The following LZTS1 variants were observed in gnomAD, a reference collection of about 807,000 sequenced individuals.
LZTS1 encodes the protein leucine zipper tumor suppressor 1.
In LZTS1, 31 loss-of-function variants were observed where a neutral mutation model predicts 45.8. That is an observed-to-expected ratio of 0.68 (90% CI 0.51 to 0.91). LZTS1 has a LOEUF of 0.91. LZTS1 is among the 40% of genes least tolerant of loss of function. LZTS1 has a pLI of 0.00. For synonymous variants in LZTS1, 359 were observed against 357.3 expected (o/e 1.00, Z -0.05); for missense variants, 821 against 788.9 (o/e 1.04, Z -0.49).
chr8:20,275,602 G>A (rs919008899), intron 1 of LZTS1, among the ~76,000 whole-genome samples: 3 of 151,950 alleles, frequency 2.0e-5, no homozygotes, highest in African/African-American at 7.3e-5. Context: ...TAAGAGAGGA[G>A]AAAGAGAAGG....
chr8:20,282,444 C>A (rs2128897569), intron 1 of LZTS1, among the ~76,000 whole-genome samples: 2 of 152,332 alleles, frequency 1.3e-5, no homozygotes, highest in African/African-American at 4.8e-5. Flanking sequence ...TGCTACTGAG[C>A]ACCAGGAGCA....
chr8:20,250,471 C>G (rs746567612), intron 3 of LZTS1, 108 bp from the exon 4 acceptor site: 2 of 1,060,308 alleles, frequency 1.9e-6, no homozygotes, highest in African/African-American at 3.2e-5. Context: ...TGCGGTGGCC[C>G]GGTGTTAGGC....
chr8:20,248,972 G>A lies in LZTS1; in HGVS notation c.*750C>T, dbSNP rs546195407. On this transcript the variant is annotated 3_prime_UTR_variant, in exon 4 of 4. Coordinates refer to ENST00000381569, the MANE Select transcript of LZTS1 (RefSeq NM_021020.5). Reference sequence around the variant, plus strand: ...TGGCTTAAAGAAGAGTGGTCACCGAGGTCAAAGGTCACTGGCTGTCCAGAG... The same window carrying A: ...TGGCTTAAAGAAGAGTGGTCACCGAAGTCAAAGGTCACTGGCTGTCCAGAG... 355 of 153,022 alleles carry A rather than the reference G, an allele frequency of 2.3e-3. 2 individuals are homozygous for A. Among genetic ancestry groups the A allele is most frequent in the Middle Eastern group, 3.4e-3 (1 of 294 alleles). The allele number at this position is 153,022 out of a possible 1,614,324, so 9.5% of individuals were successfully genotyped here.
intron 1 of LZTS1, among the ~76,000 whole-genome samples, chr8:20,258,305 G>A (rs1800153022): frequency 1.3e-5 from 2 of 152,308 alleles, no homozygotes; most frequent in South Asian, 4.1e-4. Context: ...AGAAATCCCA[G>A]GTGGGACATG....
At chr8:20,257,644 A>C (rs1402640165) in intron 1 of LZTS1, among the ~76,000 whole-genome samples, 1 of 151,756 alleles carries the variant, frequency 6.6e-6, no homozygotes, top group Admixed American at 6.6e-5. Flanking sequence ...CAGTGTTACA[A>C]ACTAATTCTA....
At chr8:20,289,627 T>C (rs960650802) in intron 1 of LZTS1, among the ~76,000 whole-genome samples, 2 of 152,196 alleles carry the variant, frequency 1.3e-5, no homozygotes, top group African/African-American at 4.8e-5. Flanking sequence ...GGCCATTTCC[T>C]CTTGTCTCCT....
chr8:20,254,135 A>G (rs1171444018), intron 2 of LZTS1, among the ~76,000 whole-genome samples: 1 of 152,224 alleles, frequency 6.6e-6, no homozygotes, highest in African/African-American at 2.4e-5. Flanking sequence ...CTATGCAAAC[A>G]TAAGAGGCTC....
In LZTS1 at chr8:20,255,216, C is replaced by T. The variant is rs1180510798; in HGVS notation, c.-35G>A. Reference sequence around the variant, plus strand: ...GGGCTGAGGATGGGGCAGGGCCGGGCAGGGTCTTGGAAAGGCTGTGGCAGC... The same window carrying T: ...GGGCTGAGGATGGGGCAGGGCCGGGTAGGGTCTTGGAAAGGCTGTGGCAGC... On this transcript the variant is annotated 5_prime_UTR_variant, in exon 2 of 4. Transcript: ENST00000381569. 3 of 1,582,942 alleles carry T rather than the reference C, an allele frequency of 1.9e-6. No individual in the cohort carries two copies. Among genetic ancestry groups the T allele is most frequent in the Non-Finnish European group, 2.6e-6 (3 of 1,166,284 alleles).
At chr8:20,261,602 C>A (rs909095380) in intron 1 of LZTS1, among the ~76,000 whole-genome samples, 1 of 152,242 alleles carries the variant, frequency 6.6e-6, no homozygotes. Context: ...GGCAAAGTGA[C>A]ACCTGCCTCT....
chr8:20,280,440 T>C (rs956866143), intron 1 of LZTS1, among the ~76,000 whole-genome samples: 2 of 152,194 alleles, frequency 1.3e-5, no homozygotes, highest in African/African-American at 4.8e-5. Context: ...GCTCATTCAC[T>C]GTACCTCATT....
At chr8:20,294,303 T>C (rs1052488521) in intron 1 of LZTS1, among the ~76,000 whole-genome samples, 1 of 152,222 alleles carries the variant, frequency 6.6e-6, no homozygotes, top group Non-Finnish European at 1.5e-5. Flanking sequence ...TGCTTCTAGT[T>C]TGATAGATGA....
At chr8:20,301,255 G>T (rs918843722) in intron 1 of LZTS1, among the ~76,000 whole-genome samples, 2 of 152,116 alleles carry the variant, frequency 1.3e-5, no homozygotes, top group African/African-American at 4.8e-5. Context: ...ACAGAGCCAG[G>T]GTCCAGAACC....
At chr8:20,264,595 G>A (rs919870387) in intron 1 of LZTS1, among the ~76,000 whole-genome samples, 5 of 152,166 alleles carry the variant, frequency 3.3e-5, no homozygotes, top group Non-Finnish European at 7.3e-5. Flanking sequence ...GAGGCCCAGG[G>A]AGGAGCCCTG....
intron 1 of LZTS1, among the ~76,000 whole-genome samples, chr8:20,294,145 C>G (rs1390454637): frequency 6.6e-6 from 1 of 152,174 alleles, no homozygotes; most frequent in Admixed American, 6.5e-5. Flanking sequence ...AGCACAGGCT[C>G]TTTTGTGTCC....
rs751405286 is a variant in LZTS1 at position 20,253,072 on chromosome 8, TCTC to T, written c.856_858del (p.Glu286del). ...TAGGCCAGGCTGGAGGCAAGCTCCT[TCTC>T]CTCAAAGCTGCGCTGCAGCTTCTGG... On this transcript the variant is annotated inframe_deletion, in exon 3 of 4. Transcript: ENST00000381569. 5.6e-6 allele frequency: 9 copies of T among 1,608,460 alleles called. No homozygotes were observed. In the Admixed American group the frequency reaches 8.3e-5, roughly 15 times the overall value.
chr8:20,287,970 C>A (rs940725385), intron 1 of LZTS1, among the ~76,000 whole-genome samples: 2 of 150,398 alleles, frequency 1.3e-5, no homozygotes, highest in Admixed American at 6.7e-5. Flanking sequence ...TGCAGATGGG[C>A]CACCCCCAAG....
intron 1 of LZTS1, among the ~76,000 whole-genome samples, chr8:20,277,712 G>A (rs896423417): frequency 1.3e-5 from 2 of 152,140 alleles, no homozygotes; most frequent in African/African-American, 2.4e-5. Context: ...CCAGGTGGGC[G>A]AACTGTCCTA....
chr8:20,267,415 C>A (rs760366336), intron 1 of LZTS1, among the ~76,000 whole-genome samples: 4 of 152,176 alleles, frequency 2.6e-5, no homozygotes, highest in Non-Finnish European at 5.9e-5. Flanking sequence ...GGACACTCAA[C>A]CCACTTACTG....
In LZTS1 at chr8:20,252,985, T is replaced by G; in HGVS notation, c.946A>C (p.Lys316Gln). 1.9e-6 allele frequency: 3 copies of G among 1,587,668 alleles called. No individual in the cohort carries two copies. Among genetic ancestry groups the G allele is most frequent in the Non-Finnish European group, 2.6e-6 (3 of 1,167,012 alleles). ...CTCTTCTGCGAGGCCTGCTTGAGCTTGTTGCCGCCTTTGGGCTCCGGGCCC... is the reference window on the plus strand; with the variant it reads ...CTCTTCTGCGAGGCCTGCTTGAGCTGGTTGCCGCCTTTGGGCTCCGGGCCC... ...LEGPEPKGGN[K>Q]LKQASQKSQR... Residue 316 changes from lysine to glutamine, a missense_variant, in exon 3 of 4, where the codon AAG (lysine) becomes CAG (glutamine). Transcript: ENST00000381569.
Sources: allele counts gnomAD v4.1 joint callset (sites outside exome capture counted in the v4.1 genomes callset), GRCh38; gene constraint gnomAD v4.1.1; transcripts MANE v1.5; gene names NCBI Gene and HGNC (gene_info 2026-07-23, HGNC 2026-07-21).